COL23A1: variants seen among roughly 807,000 people sequenced by gnomAD.
COL23A1 encodes collagen type XXIII alpha 1 chain.
COL23A1 carries 97 observed loss-of-function variants against 99.3 expected under a neutral mutation model. The ratio of observed to expected loss-of-function variants is 0.98; its 90% CI spans 0.83 to 1.16. The LOEUF is 1.16. Ranked by LOEUF, COL23A1 falls within the 50% of genes most tolerant of loss-of-function variation. COL23A1 has a pLI of 0.00. For missense variants in COL23A1, 762 were observed against 757.4 expected (o/e 1.01, Z -0.07); for synonymous variants, 320 against 308.2 (o/e 1.04, Z -0.40).
At chr5:178,299,421 A>T (rs1424997421) in intron 3 of COL23A1, among the ~76,000 whole-genome samples, 1 of 152,120 alleles carries the variant, frequency 6.6e-6, no homozygotes, top group Non-Finnish European at 1.5e-5. Context: ...TATGTTATCT[A>T]ATTTGTAGGC....
chr5:178,560,561 C>G (rs1762504833), intron 2 of COL23A1, 121 bp downstream of exon 2: 1 of 805,490 alleles, frequency 1.2e-6, no homozygotes, highest in African/African-American at 1.8e-5. Flanking sequence ...AGGCCCCAGG[C>G]CAGTGCACGA....
chr5:178,332,089 G>A (rs1387718732), intron 2 of COL23A1, among the ~76,000 whole-genome samples: 3 of 152,160 alleles, frequency 2.0e-5, no homozygotes, highest in South Asian at 2.1e-4. Context: ...GTCCTGCTCC[G>A]GGACTACCCC....
At chr5:178,363,442 C>T (rs1462978017) in intron 2 of COL23A1, among the ~76,000 whole-genome samples, 1 of 152,218 alleles carries the variant, frequency 6.6e-6, no homozygotes, top group East Asian at 1.9e-4. Context: ...CTCCTTCATT[C>T]ATTCAGTATC....
At chr5:178,284,348 C>T (rs1471754786) in intron 5 of COL23A1, among the ~76,000 whole-genome samples, 1 of 152,108 alleles carries the variant, frequency 6.6e-6, no homozygotes, top group Non-Finnish European at 1.5e-5. Flanking sequence ...TAAATTAAAA[C>T]AATATTCATA....
In COL23A1 at chr5:178,365,239, G is replaced by A. The variant is rs924743458; in HGVS notation, c.362-58320C>T. On this transcript the variant is annotated intron_variant, in intron 2 of 28. Coordinates refer to ENST00000390654, the MANE Select transcript of COL23A1 (RefSeq NM_173465.4). The surrounding 1 kb of genome is among the most constrained non-coding windows in gnomAD (Gnocchi z 5.2). ...ATTAGATATGGGGTCCAGCCCCAGCGCACAGGAAACCCTGCTCAGGCAGAT... is the reference window on the plus strand; with the variant it reads ...ATTAGATATGGGGTCCAGCCCCAGCACACAGGAAACCCTGCTCAGGCAGAT... Among the ~76,000 whole-genome samples the A allele has an allele frequency of 6.6e-6, 1 of 151,810 alleles. No homozygotes were observed. The highest frequency in any genetic ancestry group is 2.4e-5 in the African/African-American group (1 of 41,326).
In COL23A1 at chr5:178,246,292, G is replaced by T. The variant is rs373093239; in HGVS notation, c.1375C>A (p.Pro459Thr). The part of the protein sequence containing the change: ...PSGLPGPVGP[P>T]GLIGLPGTKG... ...GTTCCTGGCAGCCCAATAAGGCCCG[G>T]TGGGCCAACTGGCCCCTGGATAGAA... The change falls in exon 24 of 29, where the codon CCG becomes ACG. Residue 459 changes from proline (P) to threonine (T), a missense_variant. Coordinates refer to ENST00000390654, the MANE Select transcript of COL23A1 (RefSeq NM_173465.4). The T allele has an allele frequency of 1.9e-6, 3 of 1,555,812 alleles. No individual in the cohort carries two copies. Among genetic ancestry groups the T allele is most frequent in the African/African-American group, 1.4e-5 (1 of 73,618 alleles).
intron 3 of COL23A1, among the ~76,000 whole-genome samples, chr5:178,292,458 C>T (rs560703067): frequency 1.1e-3 from 166 of 152,334 alleles, no homozygotes; most frequent in Non-Finnish European, 2.1e-3. Flanking sequence ...ACACCCCGTT[C>T]TATTCCTGCC....
chr5:178,374,163 G>A (rs1171202268), intron 2 of COL23A1, among the ~76,000 whole-genome samples: 3 of 152,220 alleles, frequency 2.0e-5, no homozygotes, highest in African/African-American at 7.2e-5. Flanking sequence ...AGATCACAGA[G>A]TAATGAGTAC....
chr5:178,561,652 GAC>G (rs1762564951), intron 1 of COL23A1, among the ~76,000 whole-genome samples: 1 of 152,192 alleles, frequency 6.6e-6, no homozygotes, highest in African/African-American at 2.4e-5. Context: ...TCCCAATGAA[GAC>G]ACACAGTTTT....
chr5:178,406,363 A>G (rs1274110827), intron 2 of COL23A1, among the ~76,000 whole-genome samples: 2 of 152,226 alleles, frequency 1.3e-5, no homozygotes, highest in Non-Finnish European at 2.9e-5. Context: ...CAGCATTGAA[A>G]AGATGCTCAT....
intron 4 of COL23A1, 181 bp from the exon 5 acceptor site, chr5:178,288,531 T>G (rs776746559): frequency 1.2e-5 from 8 of 668,724 alleles, no homozygotes; most frequent in South Asian, 3.4e-5. Flanking sequence ...CTTTCCTGCC[T>G]CAGAGGGCCA....
chr5:178,270,397 C>T, intron 5 of COL23A1, 34 bp from the exon 6 acceptor site: 1 of 1,612,960 alleles, frequency 6.2e-7, no homozygotes, highest in East Asian at 2.2e-5. Context: ...ACAGGTTACA[C>T]ACGGGGATGA....
At chr5:178,248,387 A>G (rs997976820) in intron 19 of COL23A1, 133 bp from the exon 20 acceptor site, 2 of 643,226 alleles carry the variant, frequency 3.1e-6, no homozygotes, top group Non-Finnish European at 2.7e-6. Context: ...GCAACTGAAA[A>G]GTTTTCCCTA....
At chr5:178,261,659 T>C (rs533045101) in intron 11 of COL23A1, 63 bp downstream of exon 11, 1 of 1,119,186 alleles carries the variant, frequency 8.9e-7, no homozygotes. Context: ...GAAGTGGAGG[T>C]GGTGGTGGGG....
chr5:178,511,878 AC>A lies in COL23A1; in HGVS notation c.361+48803del, dbSNP rs574707423. Among the ~76,000 whole-genome samples the A allele has an allele frequency of 1.3e-3, 191 of 152,290 alleles. 1 individual carries two copies. The highest frequency in any genetic ancestry group is 3.5e-3 in the Admixed American group (54 of 15,300). On this transcript the variant is annotated intron_variant, in intron 2 of 28. Transcript: ENST00000390654. ...TGTGTTAGCATCTCAGATACCACCTACCAATTTGGCAAAAAAAAAATTTTAA... is the reference window on the plus strand; with the variant it reads ...TGTGTTAGCATCTCAGATACCACCTACAATTTGGCAAAAAAAAAATTTTAA...
intron 2 of COL23A1, among the ~76,000 whole-genome samples, chr5:178,422,941 T>C (rs557972274): frequency 1.3e-5 from 2 of 152,246 alleles, no homozygotes; most frequent in Admixed American, 1.3e-4. Flanking sequence ...CAGTGGAAAG[T>C]ACAGTTTGAA....
chr5:178,525,092 A>G (rs1760241930), intron 2 of COL23A1, among the ~76,000 whole-genome samples: 1 of 134,068 alleles, frequency 7.5e-6, no homozygotes, highest in Non-Finnish European at 1.6e-5. Flanking sequence ...CTAAGCTCAC[A>G]TGGCTGGTAA....
chr5:178,389,889 T>C (rs1581288060), intron 2 of COL23A1, among the ~76,000 whole-genome samples: 1 of 152,224 alleles, frequency 6.6e-6, no homozygotes, highest in East Asian at 1.9e-4. Context: ...TGAGCCGTTC[T>C]GAAGTGGCAC....
intron 2 of COL23A1, among the ~76,000 whole-genome samples, chr5:178,530,996 T>G (rs1302513498): frequency 6.6e-6 from 1 of 152,186 alleles, no homozygotes; most frequent in Non-Finnish European, 1.5e-5. Flanking sequence ...GCCTCCCAAG[T>G]AGCTGGGATT....
Sources: allele counts gnomAD v4.1 joint callset (sites outside exome capture counted in the v4.1 genomes callset), GRCh38; gene constraint gnomAD v4.1.1; non-coding constraint Gnocchi (gnomAD v3.1); transcripts MANE v1.5; gene names NCBI Gene and HGNC (gene_info 2026-07-23, HGNC 2026-07-21).